The following PGK1 variants were observed in gnomAD, a reference collection of about 807,000 sequenced individuals.
PGK1 encodes the protein phosphoglycerate kinase 1.
PGK1 carries 3 observed loss-of-function variants against 26.9 expected under a neutral mutation model. The observed-to-expected ratio is 0.11, with a 90% confidence interval of 0.05 to 0.29. PGK1 has a LOEUF of 0.29. Ranked by LOEUF, PGK1 falls within the 10% of genes least tolerant of loss-of-function variation. The pLI is 1.00. For missense variants in PGK1, 270 were observed against 314.7 expected, an observed-to-expected ratio of 0.86 and a Z score of 1.07; for synonymous variants, 125 against 115.3, an observed-to-expected ratio of 1.08 and a Z score of -0.54.
intron 5 of PGK1, 71 bp from the exon 6 acceptor site, chrX:78,117,980 G>A (rs2078334708): frequency 9.9e-7 from 1 of 1,007,630 alleles, no homozygotes. Flanking sequence ...TTAGTGATAA[G>A]GAGCTGGCCT....
intron 6 of PGK1, among the ~76,000 whole-genome samples, chrX:78,120,017 G>C (rs1213923170): frequency 9.0e-6 from 1 of 111,474 alleles, no homozygotes; most frequent in African/African-American, 3.3e-5. Flanking sequence ...CCTGGAATAT[G>C]GGAGTGAGTG....
chrX:78,113,513 G>T (rs2078311257), intron 2 of PGK1, among the ~76,000 whole-genome samples: 1 of 111,415 alleles, frequency 9.0e-6, no homozygotes, highest in South Asian at 3.8e-4. Context: ...GGCCTGCTGT[G>T]TTAACTCTTG....
Position 78,126,074 on chromosome X carries a change from A to G in PGK1, c.*244A>G, listed in dbSNP as rs185867522. On this transcript the variant is annotated 3_prime_UTR_variant, in exon 11 of 11. Transcript: ENST00000373316. ...GTGACTAAACCATTGTGCATTCTAG[A>G]GTGCATATATTTATATTTTGCCTGT... 122 of 410,578 alleles carry G rather than the reference A, an allele frequency of 3.0e-4. No homozygotes were observed. Among genetic ancestry groups the G allele is most frequent in the Admixed American group, 2.7e-3 (67 of 24,427 alleles). The allele number at this position is 410,578 out of a possible 1,213,427, so 33.8% of individuals were successfully genotyped here.
intron 9 of PGK1, 119 bp from the exon 10 acceptor site, chrX:78,125,208 G>A: frequency 1.4e-6 from 1 of 717,925 alleles, no homozygotes; most frequent in Non-Finnish European, 2.2e-6. Context: ...TGGTAAGATA[G>A]AGTTGGGGGT....
intron 6 of PGK1, among the ~76,000 whole-genome samples, chrX:78,119,523 G>C (rs2078343362): frequency 9.0e-6 from 1 of 111,631 alleles, no homozygotes; most frequent in Non-Finnish European, 1.9e-5. Context: ...AATTGACTCT[G>C]GAGTTGGGTG....
chrX:78,106,474 G>A (rs2078273240), intron 1 of PGK1: 2 of 751,830 alleles, frequency 2.7e-6, no homozygotes, highest in South Asian at 6.8e-5. Flanking sequence ...CTTTTTTGGA[G>A]GTGCTTAGGC....
chrX:78,124,095 G>GT (rs782011968), intron 8 of PGK1, among the ~76,000 whole-genome samples: 7 of 111,646 alleles, frequency 6.3e-5, no homozygotes, highest in Non-Finnish European at 9.4e-5. Context: ...AGGGAGAAAT[G>GT]TAAGTGTATA....
intron 6 of PGK1, among the ~76,000 whole-genome samples, chrX:78,118,613 C>T (rs979466733): frequency 9.0e-6 from 1 of 110,837 alleles, no homozygotes; most frequent in Non-Finnish European, 1.9e-5. Flanking sequence ...AACAAACAAA[C>T]GAACGAACTA....
Position 78,128,562 on chromosome X carries a change from A to G in PGK1, c.*2732A>G, listed in dbSNP as rs1202839321. ...TCTGCCTCAAAACAAAAACCCCACA[A>G]AACAGTATAAGGATGTGCTTTCTAA... is the stretch of plus-strand genomic sequence containing the variant. On this transcript the variant is annotated 3_prime_UTR_variant, in exon 11 of 11. Coordinates refer to ENST00000373316, the MANE Select transcript of PGK1 (RefSeq NM_000291.4). 3 of 112,253 alleles carry G rather than the reference A, an allele frequency of 2.7e-5. No individual in the cohort carries two copies. Among genetic ancestry groups the G allele is most frequent in the African/African-American group, 9.7e-5 (3 of 30,865 alleles). The allele number at this position is 112,253 out of a possible 1,213,427, so 9.3% of individuals were successfully genotyped here.
At position 78,116,043 on chromosome X, in the gene PGK1, A is replaced by G. The variant is rs188910361; in HGVS notation, c.418-1269A>G. On this transcript the variant is annotated intron_variant, in intron 4 of 10. Coordinates refer to ENST00000373316, the MANE Select transcript of PGK1 (RefSeq NM_000291.4). ...TTTACTTTTTTTTTTTTTTCCTGGT[A>G]GAGACGGGGTCTTGCTATGTTGCCC... is the stretch of plus-strand genomic sequence containing the variant. Among the ~76,000 whole-genome samples the G allele has an allele frequency of 3.6e-4, 38 of 106,786 alleles. 1 individual carries two copies. Among genetic ancestry groups the G allele is most frequent in the African/African-American group, 1.3e-3 (37 of 29,141 alleles). The allele number at this position is 106,786 out of a possible 115,157, so 92.7% of individuals were successfully genotyped here.
chrX:78,129,227 AT>A lies in PGK1; in HGVS notation c.*3398del, dbSNP rs1557249077. The A allele has an allele frequency of 3.8e-5, 4 of 105,767 alleles. No individual in the cohort carries two copies. The highest frequency in any genetic ancestry group is 1.4e-4 in the African/African-American group (4 of 29,014). 8.7% of individuals were successfully genotyped at this position (105,767 alleles called of 1,213,427 possible). On this transcript the variant is annotated 3_prime_UTR_variant, in exon 11 of 11. Coordinates refer to ENST00000373316, the MANE Select transcript of PGK1 (RefSeq NM_000291.4). ...AGCATACCCATGTGTGTACCTATCT[AT>A]CTATCTATCTATCTATCTATCTATC...
rs1043798329 is a variant in PGK1, at chrX:78,108,966, T to A, written c.66-901T>A. On this transcript the variant is annotated intron_variant, in intron 1 of 10. Coordinates refer to ENST00000373316, the MANE Select transcript of PGK1 (RefSeq NM_000291.4). The stretch of plus-strand genomic sequence containing the variant: ...TGAGAAAAAAATCACTTAAAAATAA[T>A]CATGGCAGGCACAACTCTTAAACCT... Among the ~76,000 whole-genome samples the A allele has an allele frequency of 5.3e-5, 6 of 112,306 alleles. No individual in the cohort carries two copies. In the South Asian group the frequency reaches 1.5e-3, roughly 27 times the overall value.
rs1474549567 is a variant in PGK1 at position 78,126,896 on chromosome X, C to A, written c.*1066C>A. 3.6e-5 allele frequency: 4 copies of A among 112,047 alleles called. No homozygotes were observed. Among genetic ancestry groups the A allele is most frequent in the African/African-American group, 1.3e-4 (4 of 30,857 alleles). The allele number at this position is 112,047 out of a possible 1,213,427, so 9.2% of individuals were successfully genotyped here. A position where few individuals can be genotyped will look rare whatever the true frequency, so the allele number is the denominator to read the frequency against. ...GTGTATACCCATCAGTGATTCATTC[C>A]CAAATCTTCTAGAAGCATAAGTGTC... On this transcript the variant is annotated 3_prime_UTR_variant, in exon 11 of 11. Transcript: ENST00000373316.
intron 8 of PGK1, among the ~76,000 whole-genome samples, chrX:78,124,319 C>T (rs782088861): frequency 2.7e-5 from 3 of 111,553 alleles, no homozygotes; most frequent in Non-Finnish European, 5.7e-5. Context: ...TGGGTCCCAC[C>T]CCAGACCTAC....
chrX:78,117,524 T>C (rs1361258142), intron 5 of PGK1, 109 bp downstream of exon 5: 1 of 548,352 alleles, frequency 1.8e-6, no homozygotes, highest in African/African-American at 2.3e-5. Context: ...TGTAATCCTT[T>C]CAGCTTCTCT....
Position 78,123,229 on chromosome X carries a change from A to C in PGK1, c.791A>C (p.Lys264Thr), listed in dbSNP as rs1388072052. 5.0e-6 allele frequency: 6 copies of C among 1,206,302 alleles called. No individual in the cohort carries two copies. Among genetic ancestry groups the C allele is most frequent in the Non-Finnish European group, 6.7e-6 (6 of 892,087 alleles). The change falls in exon 8 of 11, where the codon AAG becomes ACG. Residue 264 changes from lysine to threonine, a missense_variant. This residue lies in a region of PGK1 where 17 missense variants were observed against 45.5 expected (regional missense o/e 0.37). Transcript: ENST00000373316. The part of the protein sequence containing the change: ...GTSLFDEEGA[K>T]IVKDLMSKAE... The stretch of plus-strand genomic sequence containing the variant: ...TCTCTGTTTGATGAAGAGGGAGCCA[A>C]GATTGTCAAAGACCTAATGTCCAAA...
At chrX:78,112,643 AT>A (rs1229535269) in intron 2 of PGK1, among the ~76,000 whole-genome samples, 2 of 111,935 alleles carry the variant, frequency 1.8e-5, no homozygotes, top group Admixed American at 1.9e-4. Flanking sequence ...TGGTTTCAAG[AT>A]TTGAGAATTT....
At chrX:78,110,980 ATT>A (rs202228494) in intron 2 of PGK1, among the ~76,000 whole-genome samples, 26,147 of 105,080 alleles carry the variant, frequency 0.25, 2,573 homozygotes, top group East Asian at 0.39. Context: ...ATTTTTGTAG[ATT>A]TTATATATAT....
chrX:78,112,709 C>CA (rs2078307176), intron 2 of PGK1, among the ~76,000 whole-genome samples: 1 of 111,871 alleles, frequency 8.9e-6, no homozygotes, highest in Admixed American at 9.5e-5. Flanking sequence ...CAAGATCACC[C>CA]ACATATCTCA....
Sources: gnomAD v4.1 joint callset for allele counts (sites outside exome capture counted in the v4.1 genomes callset) on GRCh38, gnomAD v4.1.1 for gene constraint, gnomAD v4.1.1 regional missense constraint, MANE v1.5 for transcripts, NCBI Gene and HGNC (gene_info 2026-07-23, HGNC 2026-07-21) for gene names.